CIITA: variants seen among roughly 807,000 people sequenced by gnomAD.
CIITA encodes the protein MHC class II transactivator.
In CIITA, 72 loss-of-function variants were observed where a neutral mutation model predicts 115.1. The ratio of observed to expected loss-of-function variants is 0.63; its 90% CI spans 0.52 to 0.76. CIITA has a LOEUF of 0.76. CIITA is among the 30% of genes least tolerant of loss of function. The pLI, the probability that CIITA is intolerant of heterozygous loss-of-function variation, is 0.00. For synonymous variants in CIITA, 763 were observed against 635.6 expected, an observed-to-expected ratio of 1.20 and a Z score of -3.02; for missense variants, 1,617 against 1,463.8, an observed-to-expected ratio of 1.10 and a Z score of -1.71.
chr16:10,868,448 T>C (rs903402990), intron 1 of CIITA, among the ~76,000 whole-genome samples: 1 of 152,238 alleles, frequency 6.6e-6, no homozygotes, highest in Non-Finnish European at 1.5e-5. Flanking sequence ...TCTACAGGGC[T>C]GGTTCTTCTT....
In CIITA at chr16:10,901,376, A is replaced by G. The variant is rs1596528390; in HGVS notation, c.437-138A>G. On this transcript the variant is annotated intron_variant, in intron 5 of 19. Transcript: ENST00000324288. This position sits in a 1 kb window ranked among gnomAD's most constrained non-coding sequence, Gnocchi z 6.8. ...CAAGGAGCTGGGGTTGGAATGTTAG[A>G]GCGAGGGGAGGAAAATGGACCCCCA... 1 of 839,900 alleles carries G rather than the reference A, an allele frequency of 1.2e-6. No individual in the cohort carries two copies. Among genetic ancestry groups the G allele is most frequent in the Non-Finnish European group, 2.0e-6 (1 of 508,104 alleles). The allele number at this position is 839,900 out of a possible 1,614,324, so 52.0% of individuals were successfully genotyped here. A position where few individuals can be genotyped will look rare whatever the true frequency, so the allele number is the denominator to read the frequency against.
intron 1 of CIITA, among the ~76,000 whole-genome samples, chr16:10,867,323 T>TTTGG (rs1567343258): frequency 7.0e-6 from 1 of 142,726 alleles, no homozygotes; most frequent in African/African-American, 2.5e-5. Flanking sequence ...CTGTGTGTGT[T>TTTGG]GGGGGGGGGC....
intron 1 of CIITA, among the ~76,000 whole-genome samples, chr16:10,885,573 C>T (rs1169298445): frequency 6.6e-6 from 1 of 152,292 alleles, no homozygotes; most frequent in African/African-American, 2.4e-5. Flanking sequence ...GTCTCGTTCT[C>T]CTGGGATATC....
At chr16:10,916,505 G>T in intron 15 of CIITA, 46 bp downstream of exon 15, 4 of 1,529,334 alleles carry the variant, frequency 2.6e-6, no homozygotes, top group Non-Finnish European at 3.6e-6. Flanking sequence ...GGCCCCCAAA[G>T]TCCGGCTGAC....
chr16:10,891,510 T>G (rs2037578695), intron 1 of CIITA, among the ~76,000 whole-genome samples: 1 of 152,232 alleles, frequency 6.6e-6, no homozygotes, highest in Non-Finnish European at 1.5e-5. Context: ...ATTTTATAGA[T>G]ATGGCCCAAA....
intron 1 of CIITA, among the ~76,000 whole-genome samples, chr16:10,882,756 G>A (rs1196536099): frequency 2.0e-5 from 3 of 151,906 alleles, no homozygotes; most frequent in African/African-American, 7.3e-5. Context: ...AATTAGCCGG[G>A]TGTAGTGGTG....
intron 12 of CIITA, 51 bp from the exon 13 acceptor site, chr16:10,910,137 G>A (rs1352142965): frequency 3.3e-6 from 5 of 1,525,482 alleles, no homozygotes; most frequent in Non-Finnish European, 3.6e-6. Flanking sequence ...CATGGGTAAG[G>A]GCTCAGTGAC....
At chr16:10,881,005 G>A (rs1284726798) in intron 1 of CIITA, among the ~76,000 whole-genome samples, 1 of 152,194 alleles carries the variant, frequency 6.6e-6, no homozygotes, top group Admixed American at 6.5e-5. Context: ...CGGGAGCAGT[G>A]GTTCACACCT....
Position 10,927,563 on chromosome 16 carries a change from C to A in CIITA, c.*3708C>A, listed in dbSNP as rs1266956623. The A allele has an allele frequency of 1.3e-5, 2 of 152,208 alleles. No homozygotes were observed. The highest frequency in any genetic ancestry group is 1.9e-4 in the East Asian group (1 of 5,204). 9.4% of individuals were successfully genotyped at this position (152,208 alleles called of 1,614,324 possible). On this transcript the variant is annotated 3_prime_UTR_variant, in exon 20 of 20. Coordinates refer to ENST00000324288, the MANE Select transcript of CIITA (RefSeq NM_000246.4). ...AATTAAAAAAACTCTTTGGACAGGG[C>A]TGCCAGGTGAGGTTGGCCAGTCTGT...
At chr16:10,890,128 G>A (rs1369941698) in intron 1 of CIITA, among the ~76,000 whole-genome samples, 2 of 152,134 alleles carry the variant, frequency 1.3e-5, no homozygotes, top group Non-Finnish European at 2.9e-5. Context: ...GCGCTGAAAT[G>A]TGTATTGGGG....
chr16:10,886,264 CTA>C (rs2036942043), intron 1 of CIITA, among the ~76,000 whole-genome samples: 3 of 152,162 alleles, frequency 2.0e-5, no homozygotes, highest in East Asian at 1.9e-4. Flanking sequence ...GCATTCTGTA[CTA>C]TGTTTTTAGG....
chr16:10,916,267 G>A (rs1596592272), intron 14 of CIITA, 100 bp from the exon 15 acceptor site: 2 of 1,069,074 alleles, frequency 1.9e-6, no homozygotes, highest in African/African-American at 1.6e-5. Flanking sequence ...TGGGGGGTGG[G>A]AAGGGCAGGT....
At position 10,918,462 on chromosome 16, in the gene CIITA, G is replaced by T; in HGVS notation, c.3085G>T (p.Asp1029Tyr). The change falls in exon 16 of 20, where the codon GAC becomes TAC. Residue 1029 changes from aspartate to tyrosine, a missense_variant. Physicochemically the swap from Asp to Tyr is radical, Grantham distance 160. Transcript: ENST00000324288. ...TLNLSQNNITDLGAYKLAEAL... is the reference protein window; with the variant it reads ...TLNLSQNNITYLGAYKLAEAL... The stretch of plus-strand genomic sequence containing the variant: ...CAGTCTGTCCCAGAACAACATCACT[G>T]ACCTGGGTGCCTACAAACTCGCCGA... The T allele has an allele frequency of 6.2e-7, 1 of 1,614,186 alleles. No individual in the cohort carries two copies. Among genetic ancestry groups the T allele is most frequent in the South Asian group, 1.1e-5 (1 of 91,074 alleles).
At chr16:10,915,809 C>T (rs1172078566) in intron 14 of CIITA, among the ~76,000 whole-genome samples, 159 bp downstream of exon 14, 5 of 152,248 alleles carry the variant, frequency 3.3e-5, no homozygotes, top group Admixed American at 3.3e-4. Context: ...CCAGCAACCT[C>T]TGGGTTTTGA....
chr16:10,888,657 G>C (rs2037205907), intron 1 of CIITA: 1 of 152,254 alleles, frequency 6.6e-6, no homozygotes, highest in South Asian at 2.1e-4. Flanking sequence ...ATTTTCTCGA[G>C]TTGGATGTGG....
intron 1 of CIITA, among the ~76,000 whole-genome samples, chr16:10,877,760 C>T (rs1199689087): frequency 6.6e-6 from 1 of 152,236 alleles, no homozygotes; most frequent in East Asian, 1.9e-4. Flanking sequence ...TGCCAGACTC[C>T]ACTCCATACC....
intron 3 of CIITA, among the ~76,000 whole-genome samples, chr16:10,896,586 A>G (rs2038149334): frequency 6.6e-6 from 1 of 152,152 alleles, no homozygotes; most frequent in African/African-American, 2.4e-5. Flanking sequence ...TACAGAGCCT[A>G]TGTTGAAATA....
At chr16:10,918,883 A>C (rs1180635101) in intron 16 of CIITA, among the ~76,000 whole-genome samples, 6 of 152,190 alleles carry the variant, frequency 3.9e-5, no homozygotes, top group Non-Finnish European at 7.3e-5. Flanking sequence ...CACGTACGTC[A>C]GCTTTTGCCG....
At chr16:10,910,368 C>T (rs77686329) in intron 13 of CIITA, 109 bp downstream of exon 13, 7 of 943,654 alleles carry the variant, frequency 7.4e-6, no homozygotes, top group Admixed American at 2.0e-5. Context: ...CATTCTTACC[C>T]TCTTGCCCAC....
Sources: allele counts gnomAD v4.1 joint callset (sites outside exome capture counted in the v4.1 genomes callset), GRCh38; gene constraint gnomAD v4.1.1; non-coding constraint Gnocchi (gnomAD v3.1); transcripts MANE v1.5; gene names NCBI Gene and HGNC (gene_info 2026-07-23, HGNC 2026-07-21).